RGS5: variants seen among roughly 807,000 people sequenced by gnomAD.
RGS5 encodes regulator of G-protein signalling 5.
A neutral mutation model predicts 18.9 loss-of-function variants in RGS5; 20 were observed. The observed-to-expected ratio is 1.06, with a 90% CI of 0.74 to 1.54. The LOEUF (loss-of-function observed/expected upper bound fraction) is 1.54, where lower values mean the gene tolerates loss of function less well. RGS5 is among the 40% of genes most tolerant of loss of function. The probability of loss-of-function intolerance (pLI) is 0.00; values close to 1 mark genes in which losing one functional copy is unlikely to be tolerated. For missense variants in RGS5, 201 were observed against 211.8 expected (o/e 0.95, Z 0.32); for synonymous variants, 57 against 76.2 (o/e 0.75, Z 1.31).
rs59181379 is a variant in RGS5 at position 163,270,352 on chromosome 1, GAA to G, written c.-281+35879_-281+35880del. Reference sequence around the variant, plus strand: ...CATAGGCAGAACTCATCTCTATTGAGAAAAAAAAAAAAAAAAAAAAAGCCAGG... The same window carrying G: ...CATAGGCAGAACTCATCTCTATTGAGAAAAAAAAAAAAAAAAAAAGCCAGG... On this transcript the variant is annotated intron_variant, in intron 2 of 5. Coordinates refer to the RGS5 transcript ENST00000618415. Among the ~76,000 whole-genome samples, 723 of 94,698 alleles carry G rather than the reference GAA, an allele frequency of 7.6e-3. 4 individuals carry two copies. Among genetic ancestry groups the G allele is most frequent in the African/African-American group, 0.029 (665 of 23,242 alleles). 62.1% of individuals were successfully genotyped at this position (94,698 alleles called of 152,430 possible). A position where few individuals can be genotyped will look rare whatever the true frequency, so the allele number is the denominator to read the frequency against.
intron 1 of RGS5, among the ~76,000 whole-genome samples, chr1:163,172,080 A>C (rs1266701920): frequency 6.6e-6 from 1 of 152,160 alleles, no homozygotes; most frequent in Non-Finnish European, 1.5e-5. Flanking sequence ...AGGGATGTAA[A>C]AGTAGTTTGT....
At chr1:163,254,112 T>C (rs1472192023) in intron 2 of RGS5, among the ~76,000 whole-genome samples, 1 of 150,832 alleles carries the variant, frequency 6.6e-6, no homozygotes, top group Non-Finnish European at 1.5e-5. Flanking sequence ...AATAAACATA[T>C]GTGTGCATGT....
chr1:163,310,914 G>A (rs1649840329), intron 1 of RGS5, among the ~76,000 whole-genome samples: 1 of 152,132 alleles, frequency 6.6e-6, no homozygotes, highest in African/African-American at 2.4e-5. Flanking sequence ...CAAGGCAGCA[G>A]GAAAGAGAAA....
intron 2 of RGS5, among the ~76,000 whole-genome samples, chr1:163,261,335 T>C (rs1332122616): frequency 6.6e-6 from 1 of 152,146 alleles, no homozygotes; most frequent in African/African-American, 2.4e-5. Flanking sequence ...TGCTCATACA[T>C]AAAGACACAA....
intron 2 of RGS5, among the ~76,000 whole-genome samples, chr1:163,246,220 T>TA (rs34509210): frequency 0.056 from 7,124 of 127,366 alleles, 207 homozygotes; most frequent in South Asian, 0.1. Flanking sequence ...GACTCCATCT[T>TA]AAAAAAAAAA....
intron 1 of RGS5, among the ~76,000 whole-genome samples, chr1:163,316,267 C>T (rs1251248640): frequency 1.3e-5 from 2 of 152,148 alleles, no homozygotes; most frequent in East Asian, 3.8e-4. Flanking sequence ...ATTATTTCCT[C>T]TCATATGAAA....
intron 1 of RGS5, among the ~76,000 whole-genome samples, chr1:163,307,100 T>TA (rs1345853273): frequency 6.6e-6 from 1 of 152,274 alleles, no homozygotes; most frequent in East Asian, 1.9e-4. Flanking sequence ...ACAACTCCTA[T>TA]AAGAGGTGAG....
intron 2 of RGS5, among the ~76,000 whole-genome samples, chr1:163,246,830 A>G (rs886869820): frequency 6.6e-6 from 1 of 152,206 alleles, no homozygotes; most frequent in Non-Finnish European, 1.5e-5. Flanking sequence ...CATGGAATCA[A>G]TCTAGATTCT....
At chr1:163,189,025 C>T (rs553513861) in intron 1 of RGS5, among the ~76,000 whole-genome samples, 1 of 151,568 alleles carries the variant, frequency 6.6e-6, no homozygotes, top group South Asian at 2.1e-4. Flanking sequence ...CTCTTCCTTT[C>T]CCCACATAAA....
rs542136531 is a variant in RGS5 at position 163,211,727 on chromosome 1, GC to G, written c.69+5798del. The G allele has an allele frequency of 1.0e-3, 153 of 152,080 alleles. 2 individuals carry two copies. The highest frequency in any genetic ancestry group is 3.5e-3 in the African/African-American group (146 of 41,454). The allele number at this position is 152,080 out of a possible 1,614,324, so 9.4% of individuals were successfully genotyped here. A position where few individuals can be genotyped will look rare whatever the true frequency, so the allele number is the denominator to read the frequency against. On this transcript the variant is annotated intron_variant, in intron 1 of 5. Transcript: ENST00000367903. ...GTTGGGTTCAGGCTCCATGCTTTTT[GC>G]CTCTGGATAATATTTATAAACAAGG... is the stretch of plus-strand genomic sequence containing the variant.
At chr1:163,293,816 C>T (rs12741332) in intron 2 of RGS5, among the ~76,000 whole-genome samples, 52,960 of 152,028 alleles carry the variant, frequency 0.35, 9,826 homozygotes, top group Non-Finnish European at 0.42. Context: ...GTTTCTGTTC[C>T]AAATAGGTAA....
rs547503204 is a variant in RGS5 at position 163,197,296 on chromosome 1, C to T, written c.44+5496G>A. On this transcript the variant is annotated intron_variant, in intron 1 of 4. Coordinates refer to ENST00000313961, the MANE Select transcript of RGS5 (RefSeq NM_003617.4). ...TGTCCCCTTCACCTAGATGGCCTTCCTTCTCTCTCCTCTTCCTGTCTAGAC... is the reference window on the plus strand; with the variant it reads ...TGTCCCCTTCACCTAGATGGCCTTCTTTCTCTCTCCTCTTCCTGTCTAGAC... Among the ~76,000 whole-genome samples the T allele has an allele frequency of 8.5e-5, 13 of 152,166 alleles. No individual in the cohort carries two copies. In the South Asian group the frequency reaches 1.2e-3, roughly 15 times the overall value.
intron 2 of RGS5, among the ~76,000 whole-genome samples, chr1:163,299,216 C>T (rs1162734888): frequency 2.0e-5 from 3 of 152,120 alleles, no homozygotes. Context: ...ATTTGAGCAA[C>T]AGTTCAGTGT....
chr1:163,221,126 T>C (rs914725200), upstream of RGS5, among the ~76,000 whole-genome samples: 2 of 152,170 alleles, frequency 1.3e-5, no homozygotes, highest in Non-Finnish European at 2.9e-5. Flanking sequence ...TACATATGTA[T>C]GCAAAATGAT....
At chr1:163,316,235 T>C (rs1388396647) in intron 1 of RGS5, among the ~76,000 whole-genome samples, 1 of 152,222 alleles carries the variant, frequency 6.6e-6, no homozygotes, top group Non-Finnish European at 1.5e-5. Flanking sequence ...CTAGAAATGT[T>C]GGCTGATAGG....
At chr1:163,208,823 A>G (rs1317188701) in intron 1 of RGS5, among the ~76,000 whole-genome samples, 1 of 152,176 alleles carries the variant, frequency 6.6e-6, no homozygotes, top group Non-Finnish European at 1.5e-5. Context: ...TTTCTAGTAC[A>G]TAGAAACATG....
chr1:163,232,952 A>C (rs1297692121), intron 2 of RGS5, among the ~76,000 whole-genome samples: 1 of 152,186 alleles, frequency 6.6e-6, no homozygotes, highest in African/African-American at 2.4e-5. Context: ...TTTACTATTC[A>C]GCCTATGTTC....
chr1:163,215,798 C>T (rs1660202936), intron 1 of RGS5, among the ~76,000 whole-genome samples: 2 of 152,116 alleles, frequency 1.3e-5, no homozygotes, highest in Non-Finnish European at 2.9e-5. Flanking sequence ...GGCACAGTGG[C>T]TCACACCTGT....
rs114992116 is a variant in RGS5, at chr1:163,156,202, T to C, written c.218-3486A>G. On this transcript the variant is annotated intron_variant, in intron 3 of 4. Transcript: ENST00000313961. ...ATATTACTGCAATAACTTGAGCAAG[T>C]CATCAAATCTCTCTGAGACTGTTGC... Among the ~76,000 whole-genome samples the C allele has an allele frequency of 7.4e-3, 1,124 of 152,292 alleles. 6 individuals are homozygous for C. Among genetic ancestry groups the C allele is most frequent in the Non-Finnish European group, 0.011 (741 of 68,018 alleles).
Sources: gnomAD v4.1 joint callset for allele counts (sites outside exome capture counted in the v4.1 genomes callset) on GRCh38, gnomAD v4.1.1 for gene constraint, MANE v1.5 for transcripts, NCBI Gene and HGNC (gene_info 2026-07-23, HGNC 2026-07-21) for gene names.